LRP4: variants seen among roughly 807,000 people sequenced by gnomAD.
The protein encoded by LRP4 is low-density lipoprotein receptor-related protein 4.
A neutral mutation model predicts 220.3 loss-of-function variants in LRP4; 95 were observed. The ratio of observed to expected loss-of-function variants is 0.43; its 90% CI spans 0.37 to 0.51. The LOEUF is 0.51. Ranked by LOEUF, LRP4 falls within the 20% of genes least tolerant of loss-of-function variation. LRP4 has a pLI of 0.00. For synonymous variants in LRP4, 903 were observed against 954.6 expected, an observed-to-expected ratio of 0.95 and a Z score of 1.00; for missense variants, 1,925 against 2,567.0, an observed-to-expected ratio of 0.75 and a Z score of 5.40.
chr11:46,892,282 A>C (rs1277688562), intron 13 of LRP4, among the ~76,000 whole-genome samples: 1 of 152,232 alleles, frequency 6.6e-6, no homozygotes, highest in South Asian at 2.1e-4. Context: ...CTTATGAATT[A>C]CTAATAACTA....
intron 23 of LRP4, 84 bp downstream of exon 23, chr11:46,877,115 A>C: frequency 6.7e-7 from 1 of 1,494,204 alleles, no homozygotes; most frequent in Non-Finnish European, 9.3e-7. Flanking sequence ...TCTTGGCAGG[A>C]GACAAAGGTG....
chr11:46,900,573 C>T (rs556824511), intron 2 of LRP4, among the ~76,000 whole-genome samples, 195 bp from the exon 3 acceptor site: 39 of 151,652 alleles, frequency 2.6e-4, no homozygotes, highest in African/African-American at 5.3e-4. Flanking sequence ...CTGGTTCAGG[C>T]GATTCTGACT....
intron 37 of LRP4, among the ~76,000 whole-genome samples, chr11:46,862,241 T>C (rs575295645): frequency 1.4e-3 from 218 of 152,182 alleles, no homozygotes; most frequent in Non-Finnish European, 2.1e-3. Context: ...GTTTTTTGGG[T>C]GTTGTCTGGG....
chr11:46,902,390 C>CA (rs1318429030), intron 2 of LRP4, among the ~76,000 whole-genome samples: 1 of 143,248 alleles, frequency 7.0e-6, no homozygotes, highest in African/African-American at 2.6e-5. Flanking sequence ...TTTTATTGTA[C>CA]AAAATACCAA....
chr11:46,917,599 C>A (rs1414359201), intron 1 of LRP4, among the ~76,000 whole-genome samples: 1 of 152,182 alleles, frequency 6.6e-6, no homozygotes, highest in Non-Finnish European at 1.5e-5. Context: ...GCCCCCCTAC[C>A]CCAGCCAGGG....
At position 46,874,904 on chromosome 11, in the gene LRP4, G is replaced by A. The variant is rs371098163; in HGVS notation, c.4125C>T (p.Thr1375=). 3.1e-6 allele frequency: 5 copies of A among 1,614,034 alleles called. No homozygotes were observed. In the African/African-American group the frequency reaches 5.3e-5, roughly 17 times the overall value. ...RRISLDTSDH[T]DVHVPVPELN... ...GCTCAGGAACAGGGACATGCACATC[G>A]GTGTGGTCACTGGTGTCCAGTGAGA... Residue 1375 remains threonine (T), a synonymous_variant, in exon 28 of 38, where the codon ACC becomes ACT. Coordinates refer to ENST00000378623, the MANE Select transcript of LRP4 (RefSeq NM_002334.4).
At chr11:46,900,166 C>T in intron 3 of LRP4, 96 bp downstream of exon 3, 1 of 1,060,724 alleles carries the variant, frequency 9.4e-7, no homozygotes, top group Non-Finnish European at 1.5e-6. Flanking sequence ...GCTGAAAACA[C>T]AAGGGCTCAT....
At chr11:46,897,491 T>A (rs1159856305) in intron 7 of LRP4, among the ~76,000 whole-genome samples, 1 of 150,468 alleles carries the variant, frequency 6.6e-6, no homozygotes, top group Non-Finnish European at 1.5e-5. Context: ...AACAAAGGTC[T>A]CTGGTTTTCC....
At chr11:46,902,358 CAAAAAAAAAAA>C (rs58839181) in intron 2 of LRP4, among the ~76,000 whole-genome samples, 1 of 92,410 alleles carries the variant, frequency 1.1e-5, no homozygotes, top group African/African-American at 3.6e-5. Flanking sequence ...GACTCTGTAT[CAAAAAAAAAAA>C]AAAAAAAAGG....
intron 11 of LRP4, 130 bp from the exon 12 acceptor site, chr11:46,894,949 A>G: frequency 7.8e-6 from 8 of 1,025,014 alleles, no homozygotes; most frequent in Non-Finnish European, 1.2e-5. Flanking sequence ...CAGCATCAGT[A>G]CCAGAAGAGT....
chr11:46,869,944 A>G (rs1464696850), intron 31 of LRP4, among the ~76,000 whole-genome samples: 3 of 152,082 alleles, frequency 2.0e-5, no homozygotes, highest in Admixed American at 6.6e-5. Context: ...TGTCTCTACT[A>G]AAAATACAAA....
intron 32 of LRP4, 78 bp downstream of exon 32, chr11:46,868,910 T>G: frequency 6.3e-7 from 1 of 1,590,792 alleles, no homozygotes; most frequent in Non-Finnish European, 8.6e-7. Flanking sequence ...CCTAACTGTC[T>G]TGGTCCCTAA....
intron 18 of LRP4, among the ~76,000 whole-genome samples, chr11:46,885,270 T>C (rs1007126301): frequency 6.6e-6 from 1 of 152,142 alleles, no homozygotes; most frequent in Non-Finnish European, 1.5e-5. Flanking sequence ...GCGCTAGGAT[T>C]ATAGGTGTGA....
intron 19 of LRP4, 49 bp from the exon 20 acceptor site, chr11:46,881,952 G>T (rs369713106): frequency 6.3e-7 from 1 of 1,578,566 alleles, no homozygotes; most frequent in Non-Finnish European, 8.7e-7. Context: ...TTAATATCCA[G>T]CAGGGACTCA....
Position 46,875,753 on chromosome 11 carries a change from C to G in LRP4, c.3699+51G>C, listed in dbSNP as rs758532100. 3.1e-6 allele frequency: 5 copies of G among 1,613,404 alleles called. No homozygotes were observed. The highest frequency in any genetic ancestry group is 4.2e-6 in the Non-Finnish European group (5 of 1,179,604). ...ACTCTCCATGGAGATCCTAGGCAGG[C>G]CTTTCCCATCTTCCCAGGCTCCTGG... On this transcript the variant is annotated intron_variant, in intron 26 of 37. Coordinates refer to ENST00000378623, the MANE Select transcript of LRP4 (RefSeq NM_002334.4). This position sits in a 1 kb window ranked among gnomAD's most constrained non-coding sequence, Gnocchi z 4.5.
At chr11:46,892,432 T>G (rs1268736616) in intron 13 of LRP4, among the ~76,000 whole-genome samples, 1 of 152,200 alleles carries the variant, frequency 6.6e-6, no homozygotes, top group Admixed American at 6.5e-5. Flanking sequence ...GAGGTATTTT[T>G]TTTTAATCAC....
At chr11:46,885,025 G>T (rs1018793603) in intron 18 of LRP4, among the ~76,000 whole-genome samples, 2 of 152,088 alleles carry the variant, frequency 1.3e-5, no homozygotes, top group Admixed American at 6.6e-5. Context: ...TTGCTCTGTT[G>T]CCTAGATTGG....
intron 1 of LRP4, among the ~76,000 whole-genome samples, chr11:46,917,478 G>A (rs1372995164): frequency 2.6e-5 from 4 of 152,166 alleles, no homozygotes; most frequent in Admixed American, 1.3e-4. Flanking sequence ...ACACAACAGG[G>A]GGTACGGGCA....
chr11:46,895,288 A>G lies in LRP4; in HGVS notation c.1187T>C (p.Val396Ala). 6.2e-7 allele frequency: 1 copy of G among 1,612,878 alleles called. No individual in the cohort carries two copies. The highest frequency in any genetic ancestry group is 1.3e-5 in the African/African-American group (1 of 75,042). Residue 396 changes from valine (V) to alanine (A), a missense_variant, in exon 11 of 38, where the codon GTG becomes GCG. Physicochemically the swap from Val to Ala is moderately conservative, Grantham distance 64 (BLOSUM62 0). Around this residue, in one of 3 missense-constraint regions of LRP4, gnomAD observed 269 missense variants for 436.7 expected, o/e 0.62. Coordinates refer to ENST00000378623, the MANE Select transcript of LRP4 (RefSeq NM_002334.4). ...LTEDGHTCQD[V>A]NECAEEGYCS... The stretch of plus-strand genomic sequence containing the variant: ...ATACCCCTCCTCGGCACATTCATTC[A>G]CATCTGGGAACACCAGGCAGGTCAA...
Sources: allele counts gnomAD v4.1 joint callset (sites outside exome capture counted in the v4.1 genomes callset), GRCh38; gene constraint gnomAD v4.1.1; regional missense constraint gnomAD v4.1.1; non-coding constraint Gnocchi (gnomAD v3.1); transcripts MANE v1.5; gene names NCBI Gene and HGNC (gene_info 2026-07-23, HGNC 2026-07-21).